RAB11FIP4: variants seen among roughly 807,000 people sequenced by gnomAD.
RAB11FIP4 encodes rab11 family-interacting protein 4.
Under a neutral mutation model 74.3 loss-of-function variants are expected in RAB11FIP4, and 23 were observed. The observed-to-expected ratio is 0.31, with a 90% confidence interval of 0.22 to 0.44. The LOEUF (loss-of-function observed/expected upper bound fraction) is 0.44. Ranked by LOEUF, RAB11FIP4 falls within the 20% of genes least tolerant of loss-of-function variation. The pLI is 1.00. For synonymous variants in RAB11FIP4, 360 were observed against 359.9 expected (o/e 1.00, Z 0.00); for missense variants, 630 against 863.9 (o/e 0.73, Z 3.39).
chr17:31,514,747 T>C (rs1472849687), intron 3 of RAB11FIP4, among the ~76,000 whole-genome samples: 1 of 152,240 alleles, frequency 6.6e-6, no homozygotes, highest in Admixed American at 6.5e-5. Context: ...CCCAGGTCTC[T>C]TCTGGTCTCC....
chr17:31,520,998 G>A (rs975730414), intron 4 of RAB11FIP4, 168 bp from the exon 5 acceptor site: 2 of 488,260 alleles, frequency 4.1e-6, no homozygotes, highest in African/African-American at 3.9e-5. Context: ...TTTCTGTGGT[G>A]AGATGTTTCC....
At chr17:31,432,922 A>G (rs2071324551) in intron 2 of RAB11FIP4, among the ~76,000 whole-genome samples, 1 of 152,108 alleles carries the variant, frequency 6.6e-6, no homozygotes, top group Non-Finnish European at 1.5e-5. Flanking sequence ...TCTCAGGTGG[A>G]TCACTTGAGT....
chr17:31,473,120 A>T (rs1183834206), intron 3 of RAB11FIP4, among the ~76,000 whole-genome samples: 1 of 151,892 alleles, frequency 6.6e-6, no homozygotes, highest in Admixed American at 6.6e-5. Context: ...TGGCTGAGTG[A>T]TGGGAAGGTG....
intron 1 of RAB11FIP4, chr17:31,431,552 G>C: frequency 9.4e-6 from 4 of 426,514 alleles, no homozygotes; most frequent in Non-Finnish European, 1.7e-5. Context: ...GGGGAAGGAG[G>C]CTCGGCCCCT....
rs763012216 is a variant in RAB11FIP4 at position 31,531,637 on chromosome 17, C to A, written c.1819C>A (p.Gln607Lys). Residue 607 changes from glutamine to lysine, a missense_variant, in exon 15 of 15, where the codon CAG becomes AAG. By Grantham distance (53) the Gln-to-Lys change is moderately conservative. Coordinates refer to ENST00000621161, the MANE Select transcript of RAB11FIP4 (RefSeq NM_032932.6). ...TCAGCTAATGGAAGCCCTGAAGGAG[C>A]AGGAGGAGATCAACTTCCGGCTGAG... is the stretch of plus-strand genomic sequence containing the variant. ...RDELMEALKE[Q>K]EEINFRLRQY... 1.9e-6 allele frequency: 3 copies of A among 1,613,486 alleles called. No homozygotes were observed. The South Asian group carries it at 3.3e-5, about 18-fold the overall frequency.
At chr17:31,473,748 G>C (rs753347634) in intron 3 of RAB11FIP4, among the ~76,000 whole-genome samples, 1 of 152,200 alleles carries the variant, frequency 6.6e-6, no homozygotes, top group Non-Finnish European at 1.5e-5. Context: ...GGTGCGATTT[G>C]CTCAGCGGGC....
chr17:31,508,835 G>A (rs2072401132), intron 3 of RAB11FIP4, among the ~76,000 whole-genome samples: 1 of 152,234 alleles, frequency 6.6e-6, no homozygotes, highest in East Asian at 1.9e-4. Flanking sequence ...CCTCTCTGTG[G>A]GCTCCTCTGA....
chr17:31,479,962 T>C (rs2142737395), intron 3 of RAB11FIP4, among the ~76,000 whole-genome samples: 1 of 152,306 alleles, frequency 6.6e-6, no homozygotes. Context: ...AAAGTCCTCA[T>C]ATTTGCAAAA....
At chr17:31,503,516 G>C (rs1391118758) in intron 3 of RAB11FIP4, among the ~76,000 whole-genome samples, 1 of 149,838 alleles carries the variant, frequency 6.7e-6, no homozygotes, top group South Asian at 2.1e-4. Context: ...GCCTGGCAGA[G>C]TAGAGGGGAG....
intron 3 of RAB11FIP4, among the ~76,000 whole-genome samples, chr17:31,491,991 C>T (rs1268224909): frequency 5.3e-5 from 8 of 152,172 alleles, no homozygotes; most frequent in African/African-American, 1.2e-4. Flanking sequence ...GCAAAGGGCA[C>T]GCCGGCGATG....
chr17:31,491,030 G>A (rs890757080), intron 3 of RAB11FIP4, among the ~76,000 whole-genome samples: 10 of 152,238 alleles, frequency 6.6e-5, no homozygotes, highest in Non-Finnish European at 1.3e-4. Flanking sequence ...TGGCCTCGAA[G>A]ATCAATGCCC....
At chr17:31,435,662 G>A (rs1485473676) in intron 3 of RAB11FIP4, among the ~76,000 whole-genome samples, 1 of 152,228 alleles carries the variant, frequency 6.6e-6, no homozygotes, top group African/African-American at 2.4e-5. Flanking sequence ...TTGGCTGATG[G>A]TAGGCCTCTT....
intron 14 of RAB11FIP4, among the ~76,000 whole-genome samples, chr17:31,531,291 T>C (rs2072867791): frequency 6.6e-6 from 1 of 152,158 alleles, no homozygotes; most frequent in Non-Finnish European, 1.5e-5. Context: ...CCTGGGACTT[T>C]GTCAGTCTTG....
chr17:31,470,981 CT>C (rs1229583001), intron 3 of RAB11FIP4, among the ~76,000 whole-genome samples: 2 of 151,924 alleles, frequency 1.3e-5, no homozygotes, highest in East Asian at 3.9e-4. Context: ...AATACAGAAA[CT>C]TTTGATATTT....
At chr17:31,484,937 A>G (rs2071886481) in intron 3 of RAB11FIP4, among the ~76,000 whole-genome samples, 1 of 152,218 alleles carries the variant, frequency 6.6e-6, no homozygotes, top group South Asian at 2.1e-4. Flanking sequence ...AAACTTGCCT[A>G]CGTTCATTTA....
At chr17:31,432,298 A>G (rs1173091287) in intron 2 of RAB11FIP4, among the ~76,000 whole-genome samples, 5 of 151,076 alleles carry the variant, frequency 3.3e-5, no homozygotes, top group African/African-American at 9.7e-5. Flanking sequence ...CGCTGGTCAC[A>G]TGACTGCCCG....
chr17:31,478,338 G>A (rs1031188599), intron 3 of RAB11FIP4, among the ~76,000 whole-genome samples: 2 of 152,162 alleles, frequency 1.3e-5, no homozygotes, highest in Non-Finnish European at 2.9e-5. Flanking sequence ...CCTTCCGCGC[G>A]TGTTGGGAGC....
chr17:31,476,599 G>A (rs1395882056), intron 3 of RAB11FIP4, among the ~76,000 whole-genome samples: 1 of 152,236 alleles, frequency 6.6e-6, no homozygotes, highest in Non-Finnish European at 1.5e-5. Flanking sequence ...GGGGCACTAG[G>A]GGGCTTCACC....
chr17:31,436,258 T>A (rs1399936993), intron 3 of RAB11FIP4, among the ~76,000 whole-genome samples: 1 of 152,188 alleles, frequency 6.6e-6, no homozygotes, highest in African/African-American at 2.4e-5. Flanking sequence ...GAAAGTTCAG[T>A]GGGAAGACAG....
Sources: gnomAD v4.1 joint callset for allele counts (sites outside exome capture counted in the v4.1 genomes callset) on GRCh38, gnomAD v4.1.1 for gene constraint, MANE v1.5 for transcripts, NCBI Gene and HGNC (gene_info 2026-07-23, HGNC 2026-07-21) for gene names.